The following DYNC1I1 variants were observed in gnomAD, a reference collection of about 807,000 sequenced individuals.
DYNC1I1 encodes the protein cytoplasmic dynein 1 intermediate chain 1.
Under a neutral mutation model 86.6 loss-of-function variants are expected in DYNC1I1, and 43 were observed. The observed-to-expected ratio is 0.50, with a 90% CI of 0.39 to 0.64. The LOEUF (loss-of-function observed/expected upper bound fraction) is 0.64. DYNC1I1 is among the 30% of genes least tolerant of loss of function. The pLI, the probability that DYNC1I1 is intolerant of heterozygous loss-of-function variation, is 0.00. For synonymous variants in DYNC1I1, 262 were observed against 283.7 expected (o/e 0.92, Z 0.77); for missense variants, 604 against 788.8 (o/e 0.77, Z 2.81).
intron 15 of DYNC1I1, among the ~76,000 whole-genome samples, chr7:96,076,834 ATACCCAT>A (rs1421753059): frequency 6.6e-6 from 1 of 152,226 alleles, no homozygotes; most frequent in Non-Finnish European, 1.5e-5. Context: ...GCAAGTGAAA[ATACCCAT>A]TTATTTTAAA....
chr7:95,936,506 G>T (rs145054610), intron 6 of DYNC1I1, among the ~76,000 whole-genome samples: 1 of 151,784 alleles, frequency 6.6e-6, no homozygotes, highest in Admixed American at 6.6e-5. Context: ...GTGAAACAAG[G>T]TGTGTTTAAA....
intron 6 of DYNC1I1, among the ~76,000 whole-genome samples, chr7:95,926,322 T>C (rs1584166148): frequency 1.3e-5 from 2 of 152,184 alleles, no homozygotes; most frequent in African/African-American, 2.4e-5. Context: ...AAGATGCATT[T>C]ATACTGTGAA....
intron 6 of DYNC1I1, among the ~76,000 whole-genome samples, chr7:95,893,579 G>A (rs1182182295): frequency 6.6e-6 from 1 of 152,164 alleles, no homozygotes; most frequent in African/African-American, 2.4e-5. Context: ...GCTTGGCTGA[G>A]AACATGTGCC....
chr7:95,799,602 A>T (rs1402585969), intron 1 of DYNC1I1, among the ~76,000 whole-genome samples: 1 of 151,694 alleles, frequency 6.6e-6, no homozygotes, highest in Non-Finnish European at 1.5e-5. Context: ...CTTTTTTTTT[A>T]CTGTTGAGTT....
chr7:95,859,771 T>C (rs1282568985), intron 5 of DYNC1I1, among the ~76,000 whole-genome samples: 3 of 152,222 alleles, frequency 2.0e-5, no homozygotes, highest in Non-Finnish European at 4.4e-5. Flanking sequence ...TGCCTGGTGC[T>C]GGGGCAGGTC....
At chr7:96,087,762 G>A (rs1015294869) in intron 16 of DYNC1I1, among the ~76,000 whole-genome samples, 1 of 152,118 alleles carries the variant, frequency 6.6e-6, no homozygotes, top group African/African-American at 2.4e-5. Context: ...GTTTTTACTT[G>A]AATTTTTAGT....
chr7:95,902,657 T>A (rs1433931666), intron 6 of DYNC1I1, among the ~76,000 whole-genome samples: 6 of 152,204 alleles, frequency 3.9e-5, no homozygotes, highest in African/African-American at 1.4e-4. Flanking sequence ...GGCATTTTTT[T>A]ATAGTATTAT....
chr7:95,941,164 G>A (rs1048053546), intron 6 of DYNC1I1, among the ~76,000 whole-genome samples: 3 of 152,116 alleles, frequency 2.0e-5, no homozygotes, highest in African/African-American at 7.2e-5. Context: ...TGGAAGTTTT[G>A]TCTCAGCGGA....
In DYNC1I1 at chr7:95,797,040, AC is replaced by A. The variant is rs532323464; in HGVS notation, c.-9-7680del. ...GTTTTTAAAAAAATAACTCAGCTTC[AC>A]TTAAGAATGTCCTTCATAAAGCAGA... is the stretch of plus-strand genomic sequence containing the variant. On this transcript the variant is annotated intron_variant, in intron 1 of 16. Coordinates refer to ENST00000447467, the MANE Select transcript of DYNC1I1 (RefSeq NM_001135556.2). Among the ~76,000 whole-genome samples, 81 of 152,166 alleles carry A rather than the reference AC, an allele frequency of 5.3e-4. 1 individual carries two copies. The highest frequency in any genetic ancestry group is 7.9e-4 in the Non-Finnish European group (54 of 68,002).
At chr7:95,827,526 A>G (rs1016958102) in intron 4 of DYNC1I1, among the ~76,000 whole-genome samples, 2 of 152,222 alleles carry the variant, frequency 1.3e-5, no homozygotes, top group Non-Finnish European at 1.5e-5. Flanking sequence ...CAATATATAA[A>G]TAAGCATAAA....
intron 6 of DYNC1I1, among the ~76,000 whole-genome samples, chr7:95,926,427 A>T (rs1463995305): frequency 1.3e-5 from 2 of 152,186 alleles, no homozygotes; most frequent in East Asian, 3.8e-4. Context: ...TGTGAATCTG[A>T]TTTGATACTG....
intron 6 of DYNC1I1, among the ~76,000 whole-genome samples, chr7:95,939,180 G>T (rs1016913326): frequency 6.6e-6 from 1 of 152,154 alleles, no homozygotes; most frequent in African/African-American, 2.4e-5. Context: ...TATAATTTCT[G>T]ATCTTTTACA....
intron 6 of DYNC1I1, among the ~76,000 whole-genome samples, chr7:95,877,475 C>T (rs1047894752): frequency 6.6e-6 from 1 of 152,184 alleles, no homozygotes; most frequent in African/African-American, 2.4e-5. Flanking sequence ...GTCCCCTCCC[C>T]CAGCTCCAGA....
intron 5 of DYNC1I1, among the ~76,000 whole-genome samples, chr7:95,864,444 A>G (rs1789967469): frequency 6.6e-6 from 1 of 152,210 alleles, no homozygotes; most frequent in Non-Finnish European, 1.5e-5. Context: ...TTCAGAAGAA[A>G]CATTTCAACT....
chr7:96,065,753 C>T (rs563648996), intron 14 of DYNC1I1, among the ~76,000 whole-genome samples: 30 of 152,296 alleles, frequency 2.0e-4, no homozygotes, highest in African/African-American at 7.0e-4. Context: ...TTCAGGCCCA[C>T]TCTCTCTTTC....
intron 6 of DYNC1I1, among the ~76,000 whole-genome samples, chr7:95,928,390 A>C (rs1791801300): frequency 6.6e-6 from 1 of 152,168 alleles, no homozygotes; most frequent in African/African-American, 2.4e-5. Context: ...GAGTGCTGTA[A>C]GTTTTAAAGA....
At chr7:95,876,825 G>T (rs906548157) in intron 6 of DYNC1I1, among the ~76,000 whole-genome samples, 39 of 151,994 alleles carry the variant, frequency 2.6e-4, no homozygotes, top group African/African-American at 9.2e-4. Flanking sequence ...GAGCACATGG[G>T]GCATGTGAGA....
rs558762626 is a variant in DYNC1I1 at position 95,985,618 on chromosome 7, A to G, written c.743+641A>G. On this transcript the variant is annotated intron_variant, in intron 8 of 16. Transcript: ENST00000447467. ...TCCTGGGGAGAATAGGAGGGACTAT[A>G]TGAGCCTTATAAACATAAATATAGC... Among the ~76,000 whole-genome samples the G allele has an allele frequency of 1.5e-4, 23 of 152,318 alleles. No individual in the cohort carries two copies. In the East Asian group the frequency reaches 4.4e-3, roughly 29 times the overall value.
chr7:95,975,044 G>A (rs1793268650), intron 6 of DYNC1I1, among the ~76,000 whole-genome samples: 1 of 152,166 alleles, frequency 6.6e-6, no homozygotes, highest in South Asian at 2.1e-4. Flanking sequence ...GCGGGATGTG[G>A]TTGCAGTTCC....
Sources: gnomAD v4.1 joint callset for allele counts (sites outside exome capture counted in the v4.1 genomes callset) on GRCh38, gnomAD v4.1.1 for gene constraint, MANE v1.5 for transcripts, NCBI Gene and HGNC (gene_info 2026-07-23, HGNC 2026-07-21) for gene names.